Variants in FAM135B observed in about 807,000 individuals in gnomAD.
FAM135B encodes the protein protein FAM135B.
In FAM135B, 43 loss-of-function variants were observed where a neutral mutation model predicts 127.7. The observed-to-expected ratio is 0.34, with a 90% CI of 0.26 to 0.43. The LOEUF is 0.43. FAM135B is among the 20% of genes least tolerant of loss of function. The pLI is 1.00. For missense variants in FAM135B, 1,558 were observed against 1,725.6 expected, an observed-to-expected ratio of 0.90 and a Z score of 1.72; for synonymous variants, 670 against 665.1, an observed-to-expected ratio of 1.01 and a Z score of -0.11.
At chr8:138,435,849 C>T (rs1370057920) in intron 1 of FAM135B, among the ~76,000 whole-genome samples, 1 of 152,156 alleles carries the variant, frequency 6.6e-6, no homozygotes, top group Non-Finnish European at 1.5e-5. Context: ...GGGGAGACTT[C>T]AAATCTGATT....
rs1030342215 is a variant in FAM135B at position 138,239,919 on chromosome 8, T to C, written c.669+3023A>G. On this transcript the variant is annotated intron_variant, in intron 7 of 19. Coordinates refer to ENST00000395297, the MANE Select transcript of FAM135B (RefSeq NM_015912.4). ...CAAGGACAAAAAACCAAACACCGCA[T>C]GTTCTCACTCATAGGTAGGAATTGA... Among the ~76,000 whole-genome samples the C allele has an allele frequency of 4.7e-5, 7 of 149,274 alleles. No homozygotes were observed. The Admixed American group carries it at 4.8e-4, about 10-fold the overall frequency.
chr8:138,196,492 C>G (rs1268337209), intron 8 of FAM135B, among the ~76,000 whole-genome samples: 2 of 152,188 alleles, frequency 1.3e-5, no homozygotes, highest in Non-Finnish European at 2.9e-5. Flanking sequence ...TGAGGGGAAT[C>G]AGCTCTTAAA....
intron 1 of FAM135B, among the ~76,000 whole-genome samples, chr8:138,482,807 T>A (rs866697028): frequency 2.0e-5 from 3 of 152,150 alleles, no homozygotes; most frequent in African/African-American, 7.2e-5. Context: ...AGTGTTCCTA[T>A]CCACTCACAT....
At chr8:138,455,514 T>C (rs889799132) in intron 1 of FAM135B, among the ~76,000 whole-genome samples, 2 of 152,320 alleles carry the variant, frequency 1.3e-5, no homozygotes, top group South Asian at 2.1e-4. Context: ...GAGCTTTCCA[T>C]GTATTACCTA....
intron 1 of FAM135B, among the ~76,000 whole-genome samples, chr8:138,457,988 A>AG (rs1209608098): frequency 4.0e-5 from 6 of 150,934 alleles, no homozygotes; most frequent in Non-Finnish European, 5.9e-5. Flanking sequence ...AAAAAAAAAA[A>AG]AAAGAGAGAG....
intron 1 of FAM135B, among the ~76,000 whole-genome samples, chr8:138,469,840 T>A (rs542448465): frequency 1.3e-5 from 2 of 152,300 alleles, no homozygotes; most frequent in Non-Finnish European, 2.9e-5. Flanking sequence ...GAGCTCTCAG[T>A]ACATTCTCAA....
chr8:138,489,727 T>C (rs1268766426), intron 1 of FAM135B, among the ~76,000 whole-genome samples: 4 of 151,526 alleles, frequency 2.6e-5, no homozygotes, highest in Non-Finnish European at 5.9e-5. Flanking sequence ...TCACCCACAC[T>C]CTCTCTGAGC....
At position 138,330,613 on chromosome 8, in the gene FAM135B, A is replaced by G. The variant is rs564857448; in HGVS notation, c.78-19693T>C. On this transcript the variant is annotated intron_variant, in intron 2 of 19. Transcript: ENST00000395297. ...ACCCCCTAAGCATGCTCATCCTCAG[A>G]TTATTAATGAAGGAAGTCAACTCAC... 5.9e-5 allele frequency among the ~76,000 whole-genome samples: 9 copies of G among 152,148 alleles called. No homozygotes were observed. In the East Asian group the frequency reaches 1.5e-3, roughly 26 times the overall value.
intron 1 of FAM135B, among the ~76,000 whole-genome samples, chr8:138,427,345 A>G (rs762870389): frequency 3.3e-5 from 5 of 151,256 alleles, no homozygotes; most frequent in Non-Finnish European, 7.4e-5. Flanking sequence ...TGTATATTTT[A>G]ATAAAATACT....
intron 9 of FAM135B, among the ~76,000 whole-genome samples, chr8:138,191,440 G>A (rs557296981): frequency 2.0e-4 from 31 of 152,346 alleles, no homozygotes; most frequent in Admixed American, 1.1e-3. Flanking sequence ...TCCAGGGTCA[G>A]TCATTTCCTC....
chr8:138,330,437 C>T (rs1487820049), intron 2 of FAM135B, among the ~76,000 whole-genome samples: 1 of 152,180 alleles, frequency 6.6e-6, no homozygotes, highest in Non-Finnish European at 1.5e-5. Flanking sequence ...GAATACTCAT[C>T]TCAGGATAAC....
chr8:138,138,272 C>T (rs1012200876), intron 18 of FAM135B, among the ~76,000 whole-genome samples: 9 of 152,230 alleles, frequency 5.9e-5, no homozygotes, highest in African/African-American at 1.2e-4. Context: ...CTCAGCCAGG[C>T]TCACAGATGA....
intron 5 of FAM135B, among the ~76,000 whole-genome samples, 195 bp downstream of exon 5, chr8:138,256,494 T>G (rs1249846485): frequency 6.6e-6 from 1 of 152,194 alleles, no homozygotes; most frequent in Admixed American, 6.5e-5. Context: ...GCTGCCTGAC[T>G]AAAACGTATG....
intron 9 of FAM135B, among the ~76,000 whole-genome samples, chr8:138,192,051 C>A (rs16908518): frequency 1.0e-3 from 158 of 152,266 alleles, no homozygotes; most frequent in African/African-American, 3.7e-3. Flanking sequence ...GTGAGTCAAG[C>A]CCTGTTTCTT....
intron 2 of FAM135B, among the ~76,000 whole-genome samples, chr8:138,316,839 G>A (rs552853307): frequency 6.6e-6 from 1 of 151,966 alleles, no homozygotes; most frequent in Non-Finnish European, 1.5e-5. Flanking sequence ...AGTAAGCCGG[G>A]CGTGGTGGTG....
intron 2 of FAM135B, among the ~76,000 whole-genome samples, chr8:138,320,473 C>A (rs190047591): frequency 6.6e-6 from 1 of 152,216 alleles, no homozygotes; most frequent in Non-Finnish European, 1.5e-5. Context: ...CACAGGGGCC[C>A]AGCTGGATTC....
chr8:138,182,697 G>A lies in FAM135B; in HGVS notation c.874-4007C>T, dbSNP rs1815178516. On this transcript the variant is annotated intron_variant, in intron 9 of 19. Coordinates refer to ENST00000395297, the MANE Select transcript of FAM135B (RefSeq NM_015912.4). ...AAAGGTCATGGAAGGCTTCCTGGAG[G>A]AGGTGATACTTACATTACATCTTCA... Among the ~76,000 whole-genome samples, 3 of 152,336 alleles carry A rather than the reference G, an allele frequency of 2.0e-5. No homozygotes were observed. In the South Asian group the frequency reaches 6.2e-4, roughly 32 times the overall value.
chr8:138,318,918 G>A (rs1328915095), intron 2 of FAM135B, among the ~76,000 whole-genome samples: 2 of 152,114 alleles, frequency 1.3e-5, no homozygotes, highest in African/African-American at 4.8e-5. Context: ...TTTCTACCAA[G>A]TCATAAATCC....
intron 3 of FAM135B, among the ~76,000 whole-genome samples, chr8:138,286,985 G>T (rs1162250148): frequency 6.6e-6 from 1 of 152,190 alleles, no homozygotes; most frequent in Non-Finnish European, 1.5e-5. Flanking sequence ...CGAGCAGTTG[G>T]GAAGAATATT....
Sources: allele counts gnomAD v4.1 joint callset (sites outside exome capture counted in the v4.1 genomes callset), GRCh38; gene constraint gnomAD v4.1.1; transcripts MANE v1.5; gene names NCBI Gene and HGNC (gene_info 2026-07-23, HGNC 2026-07-21).